PDS5A: variants seen among roughly 807,000 people sequenced by gnomAD.
PDS5A encodes PDS5 cohesin associated factor A, also known as sister chromatid cohesion protein PDS5 homolog A.
In PDS5A, 42 loss-of-function variants were observed where a neutral mutation model predicts 167.1. The ratio of observed to expected loss-of-function variants is 0.25; its 90% CI spans 0.20 to 0.33. The LOEUF (loss-of-function observed/expected upper bound fraction) is 0.33. PDS5A is among the 10% of genes least tolerant of loss of function. The pLI, the probability that PDS5A is intolerant of heterozygous loss-of-function variation, is 1.00. For synonymous variants in PDS5A, 553 were observed against 554.6 expected, an observed-to-expected ratio of 1.00 and a Z score of 0.04; for missense variants, 1,033 against 1,605.9, an observed-to-expected ratio of 0.64 and a Z score of 6.10.
chr4:39,930,246 A>AAAAAAAAAAAAAAAAAAATTTTT, intron 2 of PDS5A, among the ~76,000 whole-genome samples: 1 of 93,090 alleles, frequency 1.1e-5, no homozygotes, highest in Non-Finnish European at 2.2e-5. Context: ...AAAAAAAAAA[A>AAAAAAAAAAAAAAAAAAATTTTT]GTTTTTTTGT....
chr4:39,856,866 T>C (rs912799402), intron 26 of PDS5A, among the ~76,000 whole-genome samples: 2 of 151,816 alleles, frequency 1.3e-5, no homozygotes, highest in Non-Finnish European at 2.9e-5. Context: ...CATAAAACAG[T>C]AACTGTAAAT....
intron 31 of PDS5A, 132 bp from the exon 32 acceptor site, chr4:39,838,340 A>G (rs779667240): frequency 1.7e-5 from 11 of 657,420 alleles, no homozygotes; most frequent in East Asian, 8.2e-5. Flanking sequence ...CTTACATCAC[A>G]TTAGGAAAGT....
At chr4:39,945,288 C>T (rs1383592657) in intron 2 of PDS5A, among the ~76,000 whole-genome samples, 2 of 151,502 alleles carry the variant, frequency 1.3e-5, no homozygotes, top group Non-Finnish European at 2.9e-5. Context: ...GTGAAACCCC[C>T]GTCTCTACTA....
chr4:39,859,326 G>C (rs1299179903), intron 26 of PDS5A, among the ~76,000 whole-genome samples: 1 of 151,972 alleles, frequency 6.6e-6, no homozygotes, highest in Non-Finnish European at 1.5e-5. Context: ...TGTCACCCAG[G>C]CTAGAATGCA....
intron 2 of PDS5A, among the ~76,000 whole-genome samples, chr4:39,967,041 A>C (rs1389913522): frequency 6.6e-6 from 1 of 151,862 alleles, no homozygotes; most frequent in Non-Finnish European, 1.5e-5. Flanking sequence ...GTGGTGGCTC[A>C]CGCCTGTAAT....
At chr4:39,851,148 A>G (rs1718087652) in intron 26 of PDS5A, among the ~76,000 whole-genome samples, 1 of 152,232 alleles carries the variant, frequency 6.6e-6, no homozygotes, top group South Asian at 2.1e-4. Flanking sequence ...CAGAATAATG[A>G]ATAACAACAA....
chr4:39,853,655 CT>C (rs1718299578), intron 26 of PDS5A, among the ~76,000 whole-genome samples: 1 of 152,184 alleles, frequency 6.6e-6, no homozygotes, highest in Admixed American at 6.5e-5. Flanking sequence ...ATAAATTCTT[CT>C]TTTTGAAGAC....
intron 2 of PDS5A, among the ~76,000 whole-genome samples, chr4:39,959,664 A>G (rs1463275623): frequency 6.6e-6 from 1 of 152,182 alleles, no homozygotes; most frequent in Non-Finnish European, 1.5e-5. Context: ...ACAGAAAAAC[A>G]ACACGTAAGG....
At chr4:39,971,188 G>C (rs1187666959) in intron 2 of PDS5A, among the ~76,000 whole-genome samples, 1 of 143,668 alleles carries the variant, frequency 7.0e-6, no homozygotes, top group Non-Finnish European at 1.5e-5. Context: ...AGACAGAGTC[G>C]CGCTTTGTCA....
chr4:39,950,391 T>C (rs1728237091), intron 2 of PDS5A, among the ~76,000 whole-genome samples: 1 of 151,638 alleles, frequency 6.6e-6, no homozygotes. Context: ...CATGCCACTG[T>C]ATACTTCAGC....
chr4:39,847,691 T>C (rs766793215), intron 28 of PDS5A: 2 of 152,222 alleles, frequency 1.3e-5, no homozygotes, highest in Admixed American at 6.5e-5. Context: ...GGCACAGTTA[T>C]GTGTTCAATA....
At chr4:39,935,771 C>T (rs1216327327) in intron 2 of PDS5A, among the ~76,000 whole-genome samples, 1 of 152,148 alleles carries the variant, frequency 6.6e-6, no homozygotes, top group Non-Finnish European at 1.5e-5. Flanking sequence ...GAAACATACA[C>T]TGGAGGTAGA....
At chr4:39,973,161 T>C in intron 2 of PDS5A, 1 of 984,524 alleles carries the variant, frequency 1.0e-6, no homozygotes, top group Non-Finnish European at 1.7e-6. Flanking sequence ...CACTGTTAAC[T>C]GCTTTCTGGG....
At chr4:39,873,240 C>A in intron 20 of PDS5A, 96 bp from the exon 21 acceptor site, 1 of 655,154 alleles carries the variant, frequency 1.5e-6, no homozygotes, top group Non-Finnish European at 2.3e-6. Context: ...CCTGAATTTA[C>A]CATGCCCAAA....
At chr4:39,938,429 C>T (rs1427284980) in intron 2 of PDS5A, among the ~76,000 whole-genome samples, 1 of 151,872 alleles carries the variant, frequency 6.6e-6, no homozygotes, top group Non-Finnish European at 1.5e-5. Flanking sequence ...GTGGCAGGTG[C>T]CTGTAATCCC....
intron 18 of PDS5A, among the ~76,000 whole-genome samples, 190 bp from the exon 19 acceptor site, chr4:39,877,343 G>T (rs1720547202): frequency 6.8e-6 from 1 of 146,746 alleles, no homozygotes; most frequent in Non-Finnish European, 1.5e-5. Context: ...TGGTGTGGTA[G>T]CTTCCAGTTA....
At chr4:39,871,128 AGAGGGCAATG>A (rs1194972489) in intron 21 of PDS5A, among the ~76,000 whole-genome samples, 1 of 152,226 alleles carries the variant, frequency 6.6e-6, no homozygotes, top group Non-Finnish European at 1.5e-5. Flanking sequence ...AAGGTAGAAC[AGAGGGCAATG>A]GAGAGTTGTT....
intron 17 of PDS5A, among the ~76,000 whole-genome samples, chr4:39,886,326 T>C (rs1721472147): frequency 1.3e-5 from 2 of 152,204 alleles, no homozygotes; most frequent in African/African-American, 4.8e-5. Flanking sequence ...AATGTTAGGA[T>C]TGTTTTTTCT....
chr4:39,902,324 C>G, intron 13 of PDS5A, 23 bp downstream of exon 13: 1 of 1,009,592 alleles, frequency 9.9e-7, no homozygotes, highest in Non-Finnish European at 1.5e-6. Context: ...GAAAATACAG[C>G]AGTTATTTGA....
Sources: gnomAD v4.1 joint callset for allele counts (sites outside exome capture counted in the v4.1 genomes callset) on GRCh38, gnomAD v4.1.1 for gene constraint, MANE v1.5 for transcripts, NCBI Gene and HGNC (gene_info 2026-07-23, HGNC 2026-07-21) for gene names.